Variants in TRPM4 observed in about 807,000 individuals in gnomAD.
TRPM4 encodes transient receptor potential cation channel subfamily M member 4.
TRPM4 carries 124 observed loss-of-function variants against 135.6 expected under a neutral mutation model. The observed-to-expected ratio is 0.91, with a 90% CI of 0.79 to 1.06. TRPM4 has a LOEUF of 1.06. Among genes scored for constraint, TRPM4 ranks in the 50% least tolerant of loss-of-function variants. The pLI is 0.00. For synonymous variants in TRPM4, 745 were observed against 705.6 expected, an observed-to-expected ratio of 1.06 and a Z score of -0.88; for missense variants, 1,658 against 1,671.4, an observed-to-expected ratio of 0.99 and a Z score of 0.14.
Position 49,171,635 on chromosome 19 carries a change from G to A in TRPM4, c.916G>A (p.Gly306Arg), listed in dbSNP as rs866691706. ...LPCLLVAGSG[G>R]AADCLAETLE... is the part of the protein sequence containing the mutation. ...ATGTCTCCTCGTGGCTGGCTCAGGG[G>A]GAGCTGCGGACTGCCTGGCGGAGAC... Residue 306 changes from glycine (G) to arginine (R), a missense_variant, in exon 8 of 25, where the codon GGA (glycine) becomes AGA (arginine). Gly to Arg is a moderately radical substitution (Grantham distance 125, BLOSUM62 -2). Coordinates refer to ENST00000252826, the MANE Select transcript of TRPM4 (RefSeq NM_017636.4). The surrounding 1 kb of genome is among the most constrained non-coding windows in gnomAD (Gnocchi z 4.7). The A allele has an allele frequency of 6.2e-7, 1 of 1,613,980 alleles. No homozygotes were observed. The highest frequency in any genetic ancestry group is 1.1e-5 in the South Asian group (1 of 91,082).
intron 2 of TRPM4, 156 bp downstream of exon 2, chr19:49,158,415 G>C: frequency 1.3e-6 from 1 of 746,816 alleles, no homozygotes; most frequent in East Asian, 2.5e-5. Context: ...AGGAGCGTTT[G>C]GGTCTGTGTA....
chr19:49,210,853 G>A lies in TRPM4; in HGVS notation c.3461+11G>A. The stretch of plus-strand genomic sequence containing the variant: ...GCGCACGTCCCAGAAGTGAGAGCGG[G>A]GCCTGGTCGGGGATGGGGCTTCTGG... On this transcript the variant is annotated intron_variant, in intron 22 of 24. Coordinates refer to ENST00000252826, the MANE Select transcript of TRPM4 (RefSeq NM_017636.4). This position sits in a 1 kb window ranked among gnomAD's most constrained non-coding sequence, Gnocchi z 4.1. 3 of 1,605,786 alleles carry A rather than the reference G, an allele frequency of 1.9e-6. No homozygotes were observed. The highest frequency in any genetic ancestry group is 2.5e-6 in the Non-Finnish European group (3 of 1,176,772).
intron 19 of TRPM4, among the ~76,000 whole-genome samples, chr19:49,201,599 C>G (rs897078602): frequency 6.6e-6 from 1 of 152,100 alleles, no homozygotes; most frequent in Non-Finnish European, 1.5e-5. Context: ...TGAAGAGGAA[C>G]CTGTACTTTA....
intron 9 of TRPM4, among the ~76,000 whole-genome samples, chr19:49,180,485 G>A (rs1056941315): frequency 1.4e-5 from 2 of 145,330 alleles, no homozygotes; most frequent in African/African-American, 2.6e-5. Flanking sequence ...TGTTGCACCC[G>A]GGCCTTTGCT....
At chr19:49,198,517 A>G (rs183885529) in intron 17 of TRPM4, among the ~76,000 whole-genome samples, 1,618 of 151,936 alleles carry the variant, frequency 0.011, 36 homozygotes, top group African/African-American at 0.036. Context: ...GCATGGTGGC[A>G]GGCGCCTGTA....
In TRPM4 at chr19:49,158,649, C is replaced by T. The variant is rs531203284; in HGVS notation, c.92+390C>T. 3.9e-5 allele frequency: 9 copies of T among 228,208 alleles called. No individual in the cohort carries two copies. In the East Asian group the frequency reaches 7.5e-4, roughly 19 times the overall value. The allele number at this position is 228,208 out of a possible 1,614,324, so 14.1% of individuals were successfully genotyped here. A position where few individuals can be genotyped will look rare whatever the true frequency, so the allele number is the denominator to read the frequency against. On this transcript the variant is annotated intron_variant, in intron 2 of 24. Transcript: ENST00000252826. ...ATCCATGCAAGAAACCCTCACTCAG[C>T]GCTCCCAAGGTCCCTTTAGCCTAAT...
At chr19:49,200,488 G>T (rs1302435845) in intron 18 of TRPM4, 56 bp downstream of exon 18, 3 of 1,594,070 alleles carry the variant, frequency 1.9e-6, no homozygotes, top group Non-Finnish European at 2.6e-6. Flanking sequence ...GGTGGGGCCA[G>T]GGAGGGAGTG....
intron 9 of TRPM4, among the ~76,000 whole-genome samples, chr19:49,174,118 G>T (rs945000127): frequency 4.6e-5 from 7 of 151,906 alleles, no homozygotes; most frequent in African/African-American, 1.7e-4. Context: ...AATCACTGTC[G>T]TTAGAAGGAA....
intron 9 of TRPM4, among the ~76,000 whole-genome samples, chr19:49,173,814 C>T (rs1967566639): frequency 6.6e-6 from 1 of 152,028 alleles, no homozygotes; most frequent in African/African-American, 2.4e-5. Context: ...CCCACCACTA[C>T]ACCTGGTAAA....
intron 16 of TRPM4, among the ~76,000 whole-genome samples, chr19:49,195,958 A>G (rs1159231246): frequency 6.6e-6 from 1 of 151,624 alleles, no homozygotes; most frequent in Non-Finnish European, 1.5e-5. Flanking sequence ...TCCCAGGTTC[A>G]AGCGATTCTC....
intron 16 of TRPM4, among the ~76,000 whole-genome samples, chr19:49,195,528 G>A (rs1028042377): frequency 1.3e-5 from 2 of 151,414 alleles, no homozygotes; most frequent in Admixed American, 6.6e-5. Flanking sequence ...GCGCCACCAC[G>A]CCAGGCTAAT....
At chr19:49,164,905 T>TTTTA (rs964654070) in intron 2 of TRPM4, among the ~76,000 whole-genome samples, 10 of 148,142 alleles carry the variant, frequency 6.8e-5, no homozygotes, top group Non-Finnish European at 9.0e-5. Context: ...TTTTATTTTA[T>TTTTA]TTTATTTATT....
At chr19:49,161,967 C>T (rs973832520) in intron 2 of TRPM4, among the ~76,000 whole-genome samples, 2 of 152,170 alleles carry the variant, frequency 1.3e-5, no homozygotes, top group African/African-American at 4.8e-5. Context: ...TGACTGGCCT[C>T]TGCACACATT....
At chr19:49,209,510 G>C (rs549942948) in intron 20 of TRPM4, among the ~76,000 whole-genome samples, 1 of 152,090 alleles carries the variant, frequency 6.6e-6, no homozygotes, top group Admixed American at 6.6e-5. Flanking sequence ...CTAGGAATTT[G>C]TCCATTTCAT....
intron 20 of TRPM4, among the ~76,000 whole-genome samples, chr19:49,206,122 G>A (rs569387952): frequency 4.6e-5 from 7 of 151,756 alleles, no homozygotes; most frequent in East Asian, 2.0e-4. Context: ...CACCACGCCC[G>A]GCTAATTTTT....
intron 20 of TRPM4, among the ~76,000 whole-genome samples, chr19:49,202,702 T>C (rs1167061816): frequency 6.6e-6 from 1 of 151,744 alleles, no homozygotes; most frequent in Non-Finnish European, 1.5e-5. Context: ...CATACCCAGT[T>C]AATTTTTTGT....
chr19:49,158,156 C>T (rs746717449), intron 1 of TRPM4, 36 bp from the exon 2 acceptor site: 1 of 1,598,920 alleles, frequency 6.3e-7, no homozygotes, highest in Admixed American at 1.7e-5. Flanking sequence ...TGCCCTCTCA[C>T]CCCACTTCCA....
intron 17 of TRPM4, among the ~76,000 whole-genome samples, chr19:49,199,406 C>T (rs1279653684): frequency 6.6e-6 from 1 of 152,164 alleles, no homozygotes; most frequent in Non-Finnish European, 1.5e-5. Context: ...CTACAGGTGC[C>T]TGCCTCCACG....
At chr19:49,199,037 G>T (rs1968809128) in intron 17 of TRPM4, among the ~76,000 whole-genome samples, 1 of 152,010 alleles carries the variant, frequency 6.6e-6, no homozygotes, top group African/African-American at 2.4e-5. Context: ...TGCCATCAGG[G>T]TAAGAGAGTG....
Sources: gnomAD v4.1 joint callset for allele counts (sites outside exome capture counted in the v4.1 genomes callset) on GRCh38, gnomAD v4.1.1 for gene constraint, Gnocchi (gnomAD v3.1) non-coding constraint, MANE v1.5 for transcripts, NCBI Gene and HGNC (gene_info 2026-07-23, HGNC 2026-07-21) for gene names.